Variants in L1CAM observed in about 807,000 individuals in gnomAD.
L1CAM encodes neural cell adhesion molecule L1.
In L1CAM, 8 loss-of-function variants were observed where a neutral mutation model predicts 93.0. The observed-to-expected ratio is 0.09, with a 90% CI of 0.05 to 0.16. L1CAM has a LOEUF of 0.16. Among genes scored for constraint, L1CAM ranks in the 10% least tolerant of loss-of-function variants. The probability of loss-of-function intolerance (pLI) is 1.00; values close to 1 mark genes in which losing one functional copy is unlikely to be tolerated. For synonymous variants in L1CAM, 453 were observed against 453.0 expected, an observed-to-expected ratio of 1.00 and a Z score of 0.00; for missense variants, 777 against 1,073.4, an observed-to-expected ratio of 0.72 and a Z score of 3.86.
chrX:153,869,763 G>A (rs2064750320), intron 10 of L1CAM, 40 bp downstream of exon 10: 2 of 1,208,216 alleles, frequency 1.7e-6, no homozygotes, highest in South Asian at 1.8e-5. Flanking sequence ...AGCCCCCAGG[G>A]CTCGCCACAC....
At position 153,868,658 on chromosome X, in the gene L1CAM, G is replaced by A. The variant is rs1557091941; in HGVS notation, c.1449C>T (p.Gly483=). The part of the protein sequence containing the change: ...RFFPYANGTL[G]IRDLQANDTG... ...TGTCATTGGCCTGGAGGTCTCGAAT[G>A]CCCAGGGTCCCATTGGCATAGGGGA... is the stretch of plus-strand genomic sequence containing the variant. Residue 483 remains glycine (G), a synonymous_variant, in exon 13 of 29, where the codon GGC becomes GGT. Coordinates refer to ENST00000370060, the MANE Select transcript of L1CAM (RefSeq NM_001278116.2). 1 of 1,211,873 alleles carries A rather than the reference G, an allele frequency of 8.3e-7. No homozygotes were observed. The highest frequency in any genetic ancestry group is 2.2e-5 in the Admixed American group (1 of 46,130).
At chrX:153,878,443 C>T (rs1428137802) in intron 1 of L1CAM, among the ~76,000 whole-genome samples, 1 of 112,878 alleles carries the variant, frequency 8.9e-6, no homozygotes, top group Non-Finnish European at 1.9e-5. Flanking sequence ...AGAGTGATTC[C>T]CAGCCTGCAA....
chrX:153,881,083 C>T (rs2064842498), intron 1 of L1CAM, among the ~76,000 whole-genome samples: 1 of 112,524 alleles, frequency 8.9e-6, no homozygotes, highest in Non-Finnish European at 1.9e-5. Context: ...AATCACATGC[C>T]TCTGTGGTCT....
chrX:153,878,518 C>T (rs1203282803), intron 1 of L1CAM, among the ~76,000 whole-genome samples: 2 of 112,783 alleles, frequency 1.8e-5, no homozygotes, highest in African/African-American at 6.4e-5. Context: ...CCTCTCCCTA[C>T]AAAGCCAGTG....
Position 153,879,247 on chromosome X carries a change from C to T in L1CAM, c.-108-3303G>A, listed in dbSNP as rs184317333. Among the ~76,000 whole-genome samples the T allele has an allele frequency of 2.3e-4, 25 of 110,846 alleles. 1 individual carries two copies. The East Asian group carries it at 5.4e-3, about 24-fold the overall frequency. ...GGGGGGAGCAGGAGACAAAGACAGA[C>T]GTAGGAAGACAGCGCTAACCACGAT... On this transcript the variant is annotated intron_variant, in intron 1 of 28. Transcript: ENST00000370060.
At chrX:153,863,649 C>T (rs2064683824) in intron 26 of L1CAM, 100 bp from the exon 27 acceptor site, 8 of 896,346 alleles carry the variant, frequency 8.9e-6, no homozygotes, top group East Asian at 3.4e-5. Context: ...GTCTCAACAG[C>T]GCCCAGAGGC....
intron 1 of L1CAM, 110 bp from the exon 2 acceptor site, chrX:153,876,054 C>T: frequency 4.4e-6 from 2 of 455,935 alleles, no homozygotes; most frequent in Non-Finnish European, 7.8e-6. Context: ...CCGCCCTCAG[C>T]CCCGCCCCCA....
intron 19 of L1CAM, among the ~76,000 whole-genome samples, chrX:153,866,410 A>G (rs2064713893): frequency 8.9e-6 from 1 of 112,033 alleles, no homozygotes; most frequent in Admixed American, 9.4e-5. Flanking sequence ...TCAAGTTACC[A>G]TCTGGTCATG....
chrX:153,865,680 G>A (rs782470386), intron 20 of L1CAM, 24 bp downstream of exon 20: 25 of 1,123,098 alleles, frequency 2.2e-5, no homozygotes, highest in Non-Finnish European at 2.9e-5. Context: ...CACCCTCCTG[G>A]GCCCCCATGC....
rs2064876444 is a variant in L1CAM, at chrX:153,885,820, G to GGT, written c.-109+244_-109+245insAC. The GGT allele has an allele frequency of 1.3e-5, 9 of 689,075 alleles. No homozygotes were observed. In the South Asian group the frequency reaches 3.3e-4, roughly 26 times the overall value. The allele number at this position is 689,075 out of a possible 1,213,427, so 56.8% of individuals were successfully genotyped here. The stretch of plus-strand genomic sequence containing the variant: ...TTCTCCCGCCCAGGCCAGCATCTGG[G>GGT]GCCCCGCAGGTTACCCCTCACCTGT... On this transcript the variant is annotated intron_variant, in intron 1 of 28. Coordinates refer to ENST00000370060, the MANE Select transcript of L1CAM (RefSeq NM_001278116.2).
rs782807254 is a variant in L1CAM, at chrX:153,864,355, G to A, written c.3289C>T (p.Arg1097Trp). Residue 1097 changes from arginine (R) to tryptophan (W), a missense_variant, in exon 25 of 29, where the codon CGG (arginine) becomes TGG (tryptophan). Coordinates refer to ENST00000370060, the MANE Select transcript of L1CAM (RefSeq NM_001278116.2). ...TTGGTCTTCACAGCCATTTGGTGCC[G>A]GAACATCCTCTCCTTAAACAAGTGG... Reference protein sequence around the residue: ...EIHLFKERMFRHQMAVKTNGT... With the variant: ...EIHLFKERMFWHQMAVKTNGT... 7.4e-6 allele frequency: 9 copies of A among 1,210,213 alleles called. No homozygotes were observed. Among genetic ancestry groups the A allele is most frequent in the East Asian group, 3.0e-5 (1 of 33,775 alleles).
At chrX:153,885,954 G>GCCGGA in intron 1 of L1CAM, 111 bp downstream of exon 1, 1 of 677,634 alleles carries the variant, frequency 1.5e-6, no homozygotes, top group African/African-American at 8.0e-5. Flanking sequence ...GTTACCGCGG[G>GCCGGA]CCGGACCGGG....
Position 153,869,950 on chromosome X carries a change from G to A in L1CAM, c.992-16C>T, listed in dbSNP as rs1243055037. 2 of 1,207,193 alleles carry A rather than the reference G, an allele frequency of 1.7e-6. No individual in the cohort carries two copies. The highest frequency in any genetic ancestry group is 2.2e-6 in the Non-Finnish European group (2 of 893,557). ...TACGGGGCAGCTGGGAGGAAGGGGA[G>A]AGCCGCCCTGAGCCCGCAGCCAGCA... On this transcript the variant is annotated splice_polypyrimidine_tract_variant and intron_variant, in intron 9 of 28. Coordinates refer to ENST00000370060, the MANE Select transcript of L1CAM (RefSeq NM_001278116.2).
intron 1 of L1CAM, among the ~76,000 whole-genome samples, chrX:153,878,047 C>G (rs782223497): frequency 1.2e-4 from 13 of 112,403 alleles, no homozygotes; most frequent in Non-Finnish European, 2.4e-4. Flanking sequence ...GGCCAGACCA[C>G]TTCAATTCCA....
At chrX:153,885,238 G>A (rs1462502553) in intron 1 of L1CAM, 3 of 344,685 alleles carry the variant, frequency 8.7e-6, no homozygotes, top group East Asian at 2.1e-4. Flanking sequence ...GACCGCCTGA[G>A]CCAGTGAGGC....
At chrX:153,877,362 TG>T (rs2064821081) in intron 1 of L1CAM, among the ~76,000 whole-genome samples, 1 of 102,279 alleles carries the variant, frequency 9.8e-6, no homozygotes, top group Non-Finnish European at 2.0e-5. Flanking sequence ...CTCAGGAGGC[TG>T]AGGCAGGAGA....
chrX:153,872,336 A>G lies in L1CAM; in HGVS notation c.216T>C (p.Asp72=), dbSNP rs1557093456. The change falls in exon 5 of 29, where the codon GAT becomes GAC. Residue 72 remains aspartate, a synonymous_variant. Coordinates refer to ENST00000370060, the MANE Select transcript of L1CAM (RefSeq NM_001278116.2). ...KPEVQFRWTR[D]GVHFKPKEEL... ...CTTCCTTGGGTTTGAAGTGGACACC[A>G]TCCCTCGTCCAGCGGAACCTGTGGG... 8.3e-7 allele frequency: 1 copy of G among 1,208,329 alleles called. No homozygotes were observed. Among genetic ancestry groups the G allele is most frequent in the Admixed American group, 2.2e-5 (1 of 45,472 alleles).
At chrX:153,864,139 A>G in intron 25 of L1CAM, 122 bp from the exon 26 acceptor site, 1 of 1,076,620 alleles carries the variant, frequency 9.3e-7, no homozygotes, top group Non-Finnish European at 1.3e-6. Context: ...GACAGGGAAA[A>G]GGGCATCTGC....
At chrX:153,884,052 A>C in intron 1 of L1CAM, 4 of 419,633 alleles carry the variant, frequency 9.5e-6, no homozygotes, top group Non-Finnish European at 1.7e-5. Context: ...TCACTGTAGG[A>C]GCCCTCAGGC....
Sources: gnomAD v4.1 joint callset for allele counts (sites outside exome capture counted in the v4.1 genomes callset) on GRCh38, gnomAD v4.1.1 for gene constraint, MANE v1.5 for transcripts, NCBI Gene and HGNC (gene_info 2026-07-23, HGNC 2026-07-21) for gene names.